The following BRWD1 variants were observed in gnomAD, a reference collection of about 807,000 sequenced individuals.
BRWD1 encodes the protein bromodomain and WD repeat domain containing 1, also known as bromodomain and WD repeat-containing protein 1.
In BRWD1, 82 loss-of-function variants were observed where a neutral mutation model predicts 251.2. The ratio of observed to expected loss-of-function variants is 0.33; its 90% CI spans 0.27 to 0.39. BRWD1 has a LOEUF of 0.39. Ranked by LOEUF, BRWD1 falls within the 10% of genes least tolerant of loss-of-function variation. The pLI is 1.00. For missense variants in BRWD1, 2,233 were observed against 2,711.6 expected (o/e 0.82, Z 3.92); for synonymous variants, 918 against 902.8 (o/e 1.02, Z -0.30).
At chr21:39,265,770 A>G (rs1219131825) in intron 15 of BRWD1, among the ~76,000 whole-genome samples, 3 of 152,254 alleles carry the variant, frequency 2.0e-5, no homozygotes, top group Non-Finnish European at 4.4e-5. Context: ...CTCATTACTA[A>G]GATGACTAAG....
intron 21 of BRWD1, among the ~76,000 whole-genome samples, chr21:39,242,794 A>T (rs540816057): frequency 6.6e-6 from 1 of 152,204 alleles, no homozygotes; most frequent in Non-Finnish European, 1.5e-5. Context: ...CTGCCTGAGC[A>T]TAAGAAATGG....
rs1221281136 is a variant in BRWD1 at position 39,189,922 on chromosome 21, A to G, written c.*6337T>C. On this transcript the variant is annotated 3_prime_UTR_variant, in exon 41 of 41. Coordinates refer to ENST00000342449, the MANE Select transcript of BRWD1 (RefSeq NM_033656.4). ...AAGTCAGTAGAATCCCACCAGTCCT[A>G]CTGCCTCAGATGAGTCTTGTTTCAG... 1.0e-6 allele frequency: 1 copy of G among 985,370 alleles called. No individual in the cohort carries two copies. The highest frequency in any genetic ancestry group is 1.7e-5 in the African/African-American group (1 of 57,352). The allele number at this position is 985,370 out of a possible 1,614,324, so 61.0% of individuals were successfully genotyped here.
At chr21:39,286,274 T>C (rs570517640) in intron 8 of BRWD1, among the ~76,000 whole-genome samples, 6 of 152,220 alleles carry the variant, frequency 3.9e-5, no homozygotes, top group African/African-American at 1.2e-4. Flanking sequence ...CGCCTCGGCC[T>C]CCCAAAGTGC....
upstream of BRWD1, chr21:39,315,758 A>T (rs1462343906): frequency 6.6e-6 from 1 of 151,928 alleles, no homozygotes; most frequent in Non-Finnish European, 1.5e-5. Flanking sequence ...AAAAAAAAAA[A>T]AGGAATGAGC....
chr21:39,256,767 G>A (rs997609638), intron 18 of BRWD1, among the ~76,000 whole-genome samples: 1 of 152,196 alleles, frequency 6.6e-6, no homozygotes, highest in African/African-American at 2.4e-5. Context: ...AACTGAGGGT[G>A]ATATTGATTC....
At chr21:39,220,925 A>T (rs1405676413) in intron 29 of BRWD1, among the ~76,000 whole-genome samples, 1 of 152,106 alleles carries the variant, frequency 6.6e-6, no homozygotes, top group African/African-American at 2.4e-5. Flanking sequence ...TGGGATGCCG[A>T]GGCAGGGGGA....
intron 9 of BRWD1, among the ~76,000 whole-genome samples, chr21:39,279,892 T>C (rs992415476): frequency 1.3e-5 from 2 of 152,140 alleles, no homozygotes; most frequent in Non-Finnish European, 2.9e-5. Flanking sequence ...CCTATTATTT[T>C]AAATGCCTTA....
At position 39,187,904 on chromosome 21, in the gene BRWD1, G is replaced by A. The variant is rs987356423; in HGVS notation, c.*8355C>T. On this transcript the variant is annotated 3_prime_UTR_variant, in exon 41 of 41. Coordinates refer to ENST00000342449, the MANE Select transcript of BRWD1 (RefSeq NM_033656.4). Reference sequence around the variant, plus strand: ...AACCTAGCCTAAGGGATCAAGGAAGGCTTCCTTTAAGGAAGCTTTTAGACG... The same window carrying A: ...AACCTAGCCTAAGGGATCAAGGAAGACTTCCTTTAAGGAAGCTTTTAGACG... The A allele has an allele frequency of 7.1e-6, 7 of 979,588 alleles. No individual in the cohort carries two copies. The highest frequency in any genetic ancestry group is 8.5e-6 in the Non-Finnish European group (7 of 824,772). The allele number at this position is 979,588 out of a possible 1,614,324, so 60.7% of individuals were successfully genotyped here. A position where few individuals can be genotyped will look rare whatever the true frequency, so the allele number is the denominator to read the frequency against.
chr21:39,262,361 A>T (rs1034491513), intron 17 of BRWD1, among the ~76,000 whole-genome samples: 1 of 152,212 alleles, frequency 6.6e-6, no homozygotes, highest in Non-Finnish European at 1.5e-5. Flanking sequence ...CTACTGATAC[A>T]TGCAACAACA....
At chr21:39,317,789 G>A (rs963353129), upstream of BRWD1, among the ~76,000 whole-genome samples, 11 of 152,194 alleles carry the variant, frequency 7.2e-5, no homozygotes, top group African/African-American at 1.2e-4. Flanking sequence ...AGTGGCTCTC[G>A]TCTGTGCTAT....
At chr21:39,244,799 T>C (rs576522806) in intron 21 of BRWD1, among the ~76,000 whole-genome samples, 1 of 151,778 alleles carries the variant, frequency 6.6e-6, no homozygotes, top group Non-Finnish European at 1.5e-5. Flanking sequence ...CAGACTAGGA[T>C]ACTACACCTT....
At chr21:39,200,645 C>T in intron 38 of BRWD1, 1 of 265,776 alleles carries the variant, frequency 3.8e-6, no homozygotes, top group South Asian at 9.6e-5. Context: ...TGTAGATTTA[C>T]AAAATATAGT....
rs569803688 is a variant in BRWD1 at position 39,251,486 on chromosome 21, T to G, written c.2256-597A>C. On this transcript the variant is annotated intron_variant, in intron 19 of 40. Transcript: ENST00000342449. Reference sequence around the variant, plus strand: ...TTAAAAACACGTGGCTTTTATGTTTTTGTTTACTTTAACATCTCAAAGGAA... The same window carrying G: ...TTAAAAACACGTGGCTTTTATGTTTGTGTTTACTTTAACATCTCAAAGGAA... 1.5e-4 allele frequency among the ~76,000 whole-genome samples: 23 copies of G among 152,366 alleles called. 1 individual carries two copies. In the South Asian group the frequency reaches 3.7e-3, roughly 25 times the overall value.
At chr21:39,319,638 T>C (rs766016771) in intron 1 of BRWD1, among the ~76,000 whole-genome samples, 1 of 152,242 alleles carries the variant, frequency 6.6e-6, no homozygotes, top group Non-Finnish European at 1.5e-5. Flanking sequence ...CCATGCATTA[T>C]TTAAGGATCA....
intron 40 of BRWD1, among the ~76,000 whole-genome samples, chr21:39,198,317 A>C (rs774743934): frequency 2.0e-5 from 3 of 152,200 alleles, no homozygotes; most frequent in Non-Finnish European, 2.9e-5. Flanking sequence ...CATTTAGAAA[A>C]ACTTCCTAAT....
intron 26 of BRWD1, 54 bp from the exon 27 acceptor site, chr21:39,228,636 CT>C: frequency 1.0e-6 from 1 of 988,918 alleles, no homozygotes; most frequent in Non-Finnish European, 1.6e-6. Context: ...GTTATATAGT[CT>C]AAAAGCAGCA....
chr21:39,291,885 A>T (rs976737166), intron 8 of BRWD1, among the ~76,000 whole-genome samples: 1 of 152,222 alleles, frequency 6.6e-6, no homozygotes, highest in Non-Finnish European at 1.5e-5. Flanking sequence ...CTGGGGAGCC[A>T]GCCAGAGAAC....
Position 39,202,555 on chromosome 21 carries a change from C to T in BRWD1, c.4365-10G>A. On this transcript the variant is annotated splice_polypyrimidine_tract_variant and intron_variant, in intron 37 of 40. Coordinates refer to ENST00000342449, the MANE Select transcript of BRWD1 (RefSeq NM_033656.4). ...CTTCGGCTTGAGGTTTCTGGCCAAACATATGAACAAAGGAAACAGTATTTA... is the reference window on the plus strand; with the variant it reads ...CTTCGGCTTGAGGTTTCTGGCCAAATATATGAACAAAGGAAACAGTATTTA... The T allele has an allele frequency of 1.3e-6, 2 of 1,592,516 alleles. No homozygotes were observed. Among genetic ancestry groups the T allele is most frequent in the Non-Finnish European group, 1.7e-6 (2 of 1,162,320 alleles).
intron 36 of BRWD1, 116 bp from the exon 37 acceptor site, chr21:39,206,390 C>T (rs1020547911): frequency 2.7e-6 from 2 of 730,056 alleles, no homozygotes; most frequent in Admixed American, 6.6e-5. Flanking sequence ...TAGGTAATGG[C>T]TGTCACCCAC....
Sources: allele counts gnomAD v4.1 joint callset (sites outside exome capture counted in the v4.1 genomes callset), GRCh38; gene constraint gnomAD v4.1.1; transcripts MANE v1.5; gene names NCBI Gene and HGNC (gene_info 2026-07-23, HGNC 2026-07-21).